Variants in PRDM12 observed in about 807,000 individuals in gnomAD.
PRDM12 encodes the protein PR domain zinc finger protein 12.
A neutral mutation model predicts 29.6 loss-of-function variants in PRDM12; 17 were observed. The ratio of observed to expected loss-of-function variants is 0.57; its 90% confidence interval spans 0.39 to 0.86. The LOEUF is 0.86. PRDM12 is among the 40% of genes least tolerant of loss of function. The pLI is 0.00. For missense variants in PRDM12, 422 were observed against 510.8 expected, an observed-to-expected ratio of 0.83 and a Z score of 1.68; for synonymous variants, 231 against 225.8, an observed-to-expected ratio of 1.02 and a Z score of -0.21.
chr9:130,667,996 TC>T (rs1048844223), intron 2 of PRDM12, among the ~76,000 whole-genome samples, 161 bp from the exon 3 acceptor site: 3 of 152,160 alleles, frequency 2.0e-5, no homozygotes, highest in Non-Finnish European at 2.9e-5. Flanking sequence ...TTCAGGCAAG[TC>T]CCTGCACCTC....
Position 130,668,028 on chromosome 9 carries a change from TG to T in PRDM12, c.415-127del. On this transcript the variant is annotated intron_variant, in intron 2 of 4. Transcript: ENST00000253008. This position sits in a 1 kb window ranked among gnomAD's most constrained non-coding sequence, Gnocchi z 4.0. ...ACCTCTCCAGCCTTCCTTTCTTCAGTGGGAAAATGAAGCTTTATCCACTTCC... is the reference window on the plus strand; with the variant it reads ...ACCTCTCCAGCCTTCCTTTCTTCAGTGGAAAATGAAGCTTTATCCACTTCC... The T allele has an allele frequency of 8.1e-7, 1 of 1,237,198 alleles. No homozygotes were observed. The highest frequency in any genetic ancestry group is 1.1e-6 in the Non-Finnish European group (1 of 891,270). 76.6% of individuals were successfully genotyped at this position (1,237,198 alleles called of 1,614,324 possible). A position where few individuals can be genotyped will look rare whatever the true frequency, so the allele number is the denominator to read the frequency against.
intron 4 of PRDM12, among the ~76,000 whole-genome samples, chr9:130,680,659 A>ATATATATATTTTTTTTTTT: frequency 4.2e-5 from 3 of 72,172 alleles, no homozygotes; most frequent in African/African-American, 1.6e-4. Context: ...ATATATATAT[A>ATATATATATTTTTTTTTTT]TTTTTTTTTT....
chr9:130,674,492 T>G (rs967001061), intron 3 of PRDM12, among the ~76,000 whole-genome samples: 2 of 142,796 alleles, frequency 1.4e-5, no homozygotes, highest in African/African-American at 5.3e-5. Flanking sequence ...AAAAGATAAT[T>G]TGTGTGTGTG....
rs930247334 is a variant in PRDM12, at chr9:130,669,898, CAGAGGAGGGTGGGA to C, written c.570+1609_570+1622del. 1.6e-3 allele frequency among the ~76,000 whole-genome samples: 238 copies of C among 149,916 alleles called. 3 individuals carry two copies. The highest frequency in any genetic ancestry group is 5.2e-3 in the African/African-American group (211 of 40,752). ...GGGGTGAGGCTGAGCCAGGAAGGTT[CAGAGGAGGGTGGGA>C]AGAGGAGGGTGGGAAGAGGAGGGCT... is the stretch of plus-strand genomic sequence containing the variant. On this transcript the variant is annotated intron_variant, in intron 3 of 4. Coordinates refer to ENST00000253008, the MANE Select transcript of PRDM12 (RefSeq NM_021619.3).
intron 4 of PRDM12, among the ~76,000 whole-genome samples, chr9:130,679,803 G>A (rs1830877329): frequency 6.6e-6 from 1 of 152,016 alleles, no homozygotes; most frequent in Admixed American, 6.6e-5. Flanking sequence ...TGGGACCACA[G>A]TCGTGCACCA....
rs1019177647 is a variant in PRDM12 at position 130,681,878 on chromosome 9, G to C, written c.*209G>C. 4.9e-5 allele frequency: 16 copies of C among 326,436 alleles called. No homozygotes were observed. The highest frequency in any genetic ancestry group is 7.0e-5 in the Non-Finnish European group (16 of 227,660). The allele number at this position is 326,436 out of a possible 1,614,324, so 20.2% of individuals were successfully genotyped here. Reference sequence around the variant, plus strand: ...CACTGAGGGCGGCGTCCCTCACCCAGGCCACGCAGCTGGTGCGGCTGTTCG... The same window carrying C: ...CACTGAGGGCGGCGTCCCTCACCCACGCCACGCAGCTGGTGCGGCTGTTCG... On this transcript the variant is annotated 3_prime_UTR_variant, in exon 5 of 5. Transcript: ENST00000253008. This position sits in a 1 kb window ranked among gnomAD's most constrained non-coding sequence, Gnocchi z 8.1.
Position 130,681,266 on chromosome 9 carries a change from A to C in PRDM12, c.701A>C (p.Asp234Ala). Reference protein sequence around the residue: ...KNKHEDFHPADSAAGPAGRMR... With the variant: ...KNKHEDFHPAASAAGPAGRMR... ...CGGCCAGAGGACTTCCACCCGGCGG[A>C]CTCGGCGGCTGGCCCCGCGGGCCGC... Residue 234 changes from aspartate to alanine, a missense_variant, in exon 5 of 5, where the codon GAC (aspartate) becomes GCC (alanine). Asp to Ala is a moderately radical substitution (Grantham distance 126). Coordinates refer to ENST00000253008, the MANE Select transcript of PRDM12 (RefSeq NM_021619.3). This position sits in a 1 kb window ranked among gnomAD's most constrained non-coding sequence, Gnocchi z 8.1. 6.8e-7 allele frequency: 1 copy of C among 1,469,462 alleles called. No homozygotes were observed. The highest frequency in any genetic ancestry group is 9.1e-7 in the Non-Finnish European group (1 of 1,103,576). The allele number at this position is 1,469,462 out of a possible 1,614,324, so 91.0% of individuals were successfully genotyped here.
At chr9:130,666,873 GCCGTC>G in intron 2 of PRDM12, 75 bp downstream of exon 2, 1 of 1,498,504 alleles carries the variant, frequency 6.7e-7, no homozygotes, top group Non-Finnish European at 8.9e-7. Context: ...CGGGCGTCCG[GCCGTC>G]GCCGCTTCCA....
In PRDM12 at chr9:130,682,424, T is replaced by G. The variant is rs1830915293; in HGVS notation, c.*755T>G. 6.6e-6 allele frequency: 1 copy of G among 152,374 alleles called. No individual in the cohort carries two copies. The allele number at this position is 152,374 out of a possible 1,614,324, so 9.4% of individuals were successfully genotyped here. The stretch of plus-strand genomic sequence containing the variant: ...ACCCCGAGCAAGACCCTGCACCTCT[T>G]TGGGCCTCAGTTTCCCCATCTGTAA... On this transcript the variant is annotated 3_prime_UTR_variant, in exon 5 of 5. Transcript: ENST00000253008. The surrounding 1 kb of genome is among the most constrained non-coding windows in gnomAD (Gnocchi z 4.2).
rs1223636100 is a variant in PRDM12 at position 130,666,871 on chromosome 9, C to G, written c.414+73C>G. 7 of 1,497,408 alleles carry G rather than the reference C, an allele frequency of 4.7e-6. No individual in the cohort carries two copies. The Admixed American group carries it at 1.1e-4, about 23-fold the overall frequency. 92.8% of individuals were successfully genotyped at this position (1,497,408 alleles called of 1,614,324 possible). A position where few individuals can be genotyped will look rare whatever the true frequency, so the allele number is the denominator to read the frequency against. On this transcript the variant is annotated intron_variant, in intron 2 of 4. Coordinates refer to ENST00000253008, the MANE Select transcript of PRDM12 (RefSeq NM_021619.3). ...TGGTCGCGGGTAGGACTCGGGCGTC[C>G]GGCCGTCGCCGCTTCCACCCGGGCT...
rs1381127811 is a variant in PRDM12 at position 130,681,479 on chromosome 9, A to T, written c.914A>T (p.Gln305Leu). 2 of 1,540,236 alleles carry T rather than the reference A, an allele frequency of 1.3e-6. No homozygotes were observed. Among genetic ancestry groups the T allele is most frequent in the South Asian group, 1.2e-5 (1 of 84,654 alleles). The change falls in exon 5 of 5, where the codon CAG becomes CTG. Residue 305 changes from glutamine (Q) to leucine (L), a missense_variant. Coordinates refer to ENST00000253008, the MANE Select transcript of PRDM12 (RefSeq NM_021619.3). This position sits in a 1 kb window ranked among gnomAD's most constrained non-coding sequence, Gnocchi z 8.1. The part of the protein sequence containing the change: ...GERPYKCQVC[Q>L]SAYSQLAGLR... ...CGCCCCTACAAGTGCCAGGTGTGCC[A>T]GAGCGCCTACTCGCAGCTGGCCGGC...
At chr9:130,669,742 G>A (rs568385770) in intron 3 of PRDM12, among the ~76,000 whole-genome samples, 11 of 150,328 alleles carry the variant, frequency 7.3e-5, no homozygotes, top group South Asian at 6.4e-4. Flanking sequence ...CGTGAACCCG[G>A]GAGGCGGAGC....
In PRDM12 at chr9:130,681,131, G is replaced by C; in HGVS notation, c.683-117G>C. 1 of 1,117,082 alleles carries C rather than the reference G, an allele frequency of 9.0e-7. No individual in the cohort carries two copies. The highest frequency in any genetic ancestry group is 1.2e-6 in the Non-Finnish European group (1 of 850,750). The allele number at this position is 1,117,082 out of a possible 1,614,324, so 69.2% of individuals were successfully genotyped here. On this transcript the variant is annotated intron_variant, in intron 4 of 4. Transcript: ENST00000253008. The surrounding 1 kb of genome is among the most constrained non-coding windows in gnomAD (Gnocchi z 8.1). Reference sequence around the variant, plus strand: ...CCAAGCAGCACCCACCCTCAAGGACGGACCGGCCCCGGGCTGGGGGCGCTG... The same window carrying C: ...CCAAGCAGCACCCACCCTCAAGGACCGACCGGCCCCGGGCTGGGGGCGCTG...
At position 130,681,139 on chromosome 9, in the gene PRDM12, C is replaced by A. The variant is rs1830896203; in HGVS notation, c.683-109C>A. On this transcript the variant is annotated intron_variant, in intron 4 of 4. Transcript: ENST00000253008. This position sits in a 1 kb window ranked among gnomAD's most constrained non-coding sequence, Gnocchi z 8.1. ...CACCCACCCTCAAGGACGGACCGGC[C>A]CCGGGCTGGGGGCGCTGAGGGCCCG... The A allele has an allele frequency of 1.7e-6, 2 of 1,187,024 alleles. No homozygotes were observed. Among genetic ancestry groups the A allele is most frequent in the Non-Finnish European group, 2.2e-6 (2 of 910,968 alleles). 73.5% of individuals were successfully genotyped at this position (1,187,024 alleles called of 1,614,324 possible).
At position 130,668,370 on chromosome 9, in the gene PRDM12, G is replaced by T; in HGVS notation, c.570+57G>T. ...GACCAGCCGGTAAACCCGGCGGGGG[G>T]AGGTGTGCAGGGCAGCGGTGTCCAG... is the stretch of plus-strand genomic sequence containing the variant. On this transcript the variant is annotated intron_variant, in intron 3 of 4. Coordinates refer to ENST00000253008, the MANE Select transcript of PRDM12 (RefSeq NM_021619.3). The surrounding 1 kb of genome is among the most constrained non-coding windows in gnomAD (Gnocchi z 4.0). The T allele has an allele frequency of 6.2e-7, 1 of 1,605,252 alleles. No homozygotes were observed. The highest frequency in any genetic ancestry group is 8.5e-7 in the Non-Finnish European group (1 of 1,173,738).
At chr9:130,672,848 G>A (rs1827834419) in intron 3 of PRDM12, among the ~76,000 whole-genome samples, 1 of 152,188 alleles carries the variant, frequency 6.6e-6, no homozygotes, top group African/African-American at 2.4e-5. Flanking sequence ...GTGGCAGGAT[G>A]TGAATTTACA....
chr9:130,678,379 C>G (rs569090089), intron 3 of PRDM12, 150 bp from the exon 4 acceptor site: 1 of 599,570 alleles, frequency 1.7e-6, no homozygotes, highest in Non-Finnish European at 2.9e-6. Flanking sequence ...TGCAGCTTCC[C>G]GGGACAGCTC....
chr9:130,668,402 C>T lies in PRDM12; in HGVS notation c.570+89C>T. The T allele has an allele frequency of 1.3e-6, 2 of 1,575,258 alleles. No individual in the cohort carries two copies. The highest frequency in any genetic ancestry group is 2.3e-5 in the East Asian group (1 of 44,442). Reference sequence around the variant, plus strand: ...GCAGGGCAGCGGTGTCCAGGAACCACAGTGGACAGAGGGGAGCTGACACTG... The same window carrying T: ...GCAGGGCAGCGGTGTCCAGGAACCATAGTGGACAGAGGGGAGCTGACACTG... On this transcript the variant is annotated intron_variant, in intron 3 of 4. Coordinates refer to ENST00000253008, the MANE Select transcript of PRDM12 (RefSeq NM_021619.3). This position sits in a 1 kb window ranked among gnomAD's most constrained non-coding sequence, Gnocchi z 4.0.
intron 3 of PRDM12, among the ~76,000 whole-genome samples, chr9:130,678,047 A>G (rs925973493): frequency 1.3e-5 from 2 of 151,952 alleles, no homozygotes; most frequent in Non-Finnish European, 2.9e-5. Flanking sequence ...TGGGATGCCT[A>G]TGGGAGCTTT....
Sources: gnomAD v4.1 joint callset for allele counts (sites outside exome capture counted in the v4.1 genomes callset) on GRCh38, gnomAD v4.1.1 for gene constraint, Gnocchi (gnomAD v3.1) non-coding constraint, MANE v1.5 for transcripts, NCBI Gene and HGNC (gene_info 2026-07-23, HGNC 2026-07-21) for gene names.